The following TMEM106C variants were observed in gnomAD, a reference collection of about 807,000 sequenced individuals.
TMEM106C encodes endoplasmic reticulum membrane protein overexpressed in cancer.
Under a neutral mutation model 30.8 loss-of-function variants are expected in TMEM106C, and 27 were observed. The ratio of observed to expected loss-of-function variants is 0.88; its 90% confidence interval spans 0.65 to 1.21. The LOEUF is 1.21. Among genes scored for constraint, TMEM106C ranks in the 50% most tolerant of loss-of-function variants. TMEM106C has a pLI of 0.00. For synonymous variants in TMEM106C, 123 were observed against 118.8 expected (o/e 1.04, Z -0.23); for missense variants, 288 against 307.8 (o/e 0.94, Z 0.48).
At position 47,966,230 on chromosome 12, in the gene TMEM106C, G is replaced by A. The variant is rs760969092; in HGVS notation, c.552+1G>A. The stretch of plus-strand genomic sequence containing the variant: ...TATTCCACCTCGGAGTGAGCAACTG[G>A]TATGCTGTTCTTTTAGGAATCTTGC... On this transcript the variant is annotated splice_donor_variant, in intron 5 of 7. Coordinates refer to ENST00000429772, the MANE Select transcript of TMEM106C (RefSeq NM_001143842.2). LOFTEE classifies it high-confidence loss of function. 1 of 1,613,718 alleles carries A rather than the reference G, an allele frequency of 6.2e-7. No individual in the cohort carries two copies. The highest frequency in any genetic ancestry group is 1.3e-5 in the African/African-American group (1 of 74,944).
Position 47,966,210 on chromosome 12 carries a change from C to T in TMEM106C, c.533C>T (p.Pro178Leu), listed in dbSNP as rs778392934. The T allele has an allele frequency of 1.4e-5, 22 of 1,614,088 alleles. No homozygotes were observed. Among genetic ancestry groups the T allele is most frequent in the Non-Finnish European group, 3.4e-6 (4 of 1,180,026 alleles). Residue 178 changes from proline to leucine, a missense_variant, in exon 5 of 8, where the codon CCA (proline) becomes CTA (leucine). Coordinates refer to ENST00000429772, the MANE Select transcript of TMEM106C (RefSeq NM_001143842.2). ...TYVTTNVSLI[P>L]PRSEQLVNFT... is the part of the protein sequence containing the mutation. The stretch of plus-strand genomic sequence containing the variant: ...GTGACTACTAACGTCTCCCTTATTC[C>T]ACCTCGGAGTGAGCAACTGGTATGC...
At chr12:47,965,445 T>C in intron 3 of TMEM106C, 100 bp downstream of exon 3, 1 of 1,118,070 alleles carries the variant, frequency 8.9e-7, no homozygotes, top group Non-Finnish European at 1.3e-6. Context: ...ACACATGTTC[T>C]TATAAGTTCC....
At position 47,965,820 on chromosome 12, in the gene TMEM106C, G is replaced by A; in HGVS notation, c.252-18G>A. On this transcript the variant is annotated intron_variant, in intron 3 of 7. Transcript: ENST00000429772. ...ATATCTGACTGCCTGGGTCGGTCAT[G>A]TGCTGTGTCATTTGCAGTAAGCAAT... 1 of 1,614,014 alleles carries A rather than the reference G, an allele frequency of 6.2e-7. No individual in the cohort carries two copies. The highest frequency in any genetic ancestry group is 8.5e-7 in the Non-Finnish European group (1 of 1,179,908).
At position 47,968,221 on chromosome 12, in the gene TMEM106C, G is replaced by T. The variant is rs1471236866; in HGVS notation, c.745G>T (p.Ala249Ser). 33 of 1,611,346 alleles carry T rather than the reference G, an allele frequency of 2.0e-5. No individual in the cohort carries two copies. The highest frequency in any genetic ancestry group is 2.8e-5 in the Non-Finnish European group (33 of 1,177,734). Reference sequence around the variant, plus strand: ...TGTGGATTGTGGAGGAAATTCCACAGCTATTTAACAACTGCTATTGGTTCT... The same window carrying T: ...TGTGGATTGTGGAGGAAATTCCACATCTATTTAACAACTGCTATTGGTTCT... ...HYVDCGGNSTAI is the reference protein window; with the variant it reads ...HYVDCGGNSTSI Residue 249 changes from alanine (A) to serine (S), a missense_variant, in exon 8 of 8, where the codon GCT (alanine) becomes TCT (serine). By Grantham distance (99) the Ala-to-Ser change is moderately conservative. Transcript: ENST00000429772.
chr12:47,965,791 C>T (rs1299827027), intron 3 of TMEM106C, 47 bp from the exon 4 acceptor site: 1 of 1,606,994 alleles, frequency 6.2e-7, no homozygotes, highest in South Asian at 1.1e-5. Flanking sequence ...CACATTGAAC[C>T]TTGATATCTG....
rs370071767 is a variant in TMEM106C, at chr12:47,965,365, C to T, written c.251+20C>T. 33 of 1,604,540 alleles carry T rather than the reference C, an allele frequency of 2.1e-5. No individual in the cohort carries two copies. In the African/African-American group the frequency reaches 4.3e-4, roughly 21 times the overall value. Reference sequence around the variant, plus strand: ...GCGAACGTGAGTTACCTGCTTCTCACCTGTTAATACCTACTTCTGTCCCTA... The same window carrying T: ...GCGAACGTGAGTTACCTGCTTCTCATCTGTTAATACCTACTTCTGTCCCTA... On this transcript the variant is annotated intron_variant, in intron 3 of 7. Transcript: ENST00000429772.
chr12:47,967,918 C>G (rs1284833435), intron 7 of TMEM106C, among the ~76,000 whole-genome samples: 2 of 152,068 alleles, frequency 1.3e-5, no homozygotes, highest in Non-Finnish European at 2.9e-5. Context: ...AAATCATTCT[C>G]GATTGAGAAG....
intron 7 of TMEM106C, 122 bp downstream of exon 7, chr12:47,967,383 C>G: frequency 1.1e-6 from 1 of 912,530 alleles, no homozygotes; most frequent in Non-Finnish European, 1.8e-6. Flanking sequence ...CCCTGTGCCT[C>G]ACAGGCACAG....
chr12:47,964,660 A>G, intron 2 of TMEM106C: 1 of 540,800 alleles, frequency 1.8e-6, no homozygotes, highest in Non-Finnish European at 3.3e-6. Context: ...TGAGGTTTGG[A>G]ACATTCAGTT....
Position 47,966,158 on chromosome 12 carries a change from T to C in TMEM106C, c.481T>C (p.Tyr161His), listed in dbSNP as rs1774451128. The C allele has an allele frequency of 1.2e-6, 2 of 1,614,106 alleles. No homozygotes were observed. Among genetic ancestry groups the C allele is most frequent in the Admixed American group, 3.3e-5 (2 of 60,004 alleles). Residue 161 changes from tyrosine (Y) to histidine (H), a missense_variant, in exon 5 of 8, where the codon TAC (tyrosine) becomes CAC (histidine). Physicochemically the swap from Tyr to His is moderately conservative, Grantham distance 83. Transcript: ENST00000429772. ...GACCAGCCTGTCCAGCCAGATTCAG[T>C]ACATGAACACAGTGGTCAGTACATA... ...AVTSLSSQIQ[Y>H]MNTVVSTYVT...
In TMEM106C at chr12:47,967,385, C is replaced by G. The variant is rs1938274329; in HGVS notation, c.656+124C>G. On this transcript the variant is annotated intron_variant, in intron 7 of 7. Coordinates refer to ENST00000429772, the MANE Select transcript of TMEM106C (RefSeq NM_001143842.2). The stretch of plus-strand genomic sequence containing the variant: ...GCCCGAGGGGACACCCTGTGCCTCA[C>G]AGGCACAGATACAGTAGACCCTTGG... 37 of 902,624 alleles carry G rather than the reference C, an allele frequency of 4.1e-5. No homozygotes were observed. In the South Asian group the frequency reaches 4.4e-4, roughly 11 times the overall value. The allele number at this position is 902,624 out of a possible 1,614,324, so 55.9% of individuals were successfully genotyped here.
At chr12:47,964,538 G>A in intron 2 of TMEM106C, 115 bp downstream of exon 2, 1 of 940,540 alleles carries the variant, frequency 1.1e-6, no homozygotes, top group Non-Finnish European at 1.6e-6. Flanking sequence ...ACAGTGCCCT[G>A]GACAGGAGCC....
At position 47,968,012 on chromosome 12, in the gene TMEM106C, G is replaced by A. The variant is rs147438778; in HGVS notation, c.657-121G>A. 1.5e-5 allele frequency: 10 copies of A among 670,996 alleles called. No individual in the cohort carries two copies. In the East Asian group the frequency reaches 2.7e-4, roughly 18 times the overall value. 41.6% of individuals were successfully genotyped at this position (670,996 alleles called of 1,614,324 possible). A position where few individuals can be genotyped will look rare whatever the true frequency, so the allele number is the denominator to read the frequency against. Reference sequence around the variant, plus strand: ...GGCCTCCTGGTTACATAACCATGAGGATATGTGCCTGGGGCCCGTGGGTAT... The same window carrying A: ...GGCCTCCTGGTTACATAACCATGAGAATATGTGCCTGGGGCCCGTGGGTAT... On this transcript the variant is annotated intron_variant, in intron 7 of 7. Coordinates refer to ENST00000429772, the MANE Select transcript of TMEM106C (RefSeq NM_001143842.2).
chr12:47,968,186 C>T lies in TMEM106C; in HGVS notation c.710C>T (p.Thr237Ile). 6.2e-7 allele frequency: 1 copy of T among 1,614,092 alleles called. No homozygotes were observed. Among genetic ancestry groups the T allele is most frequent in the Non-Finnish European group, 8.5e-7 (1 of 1,179,972 alleles). Residue 237 changes from threonine (T) to isoleucine (I), a missense_variant, in exon 8 of 8, where the codon ACA (threonine) becomes ATA (isoleucine). Physicochemically the swap from Thr to Ile is moderately conservative, Grantham distance 89. Coordinates refer to ENST00000429772, the MANE Select transcript of TMEM106C (RefSeq NM_001143842.2). Reference sequence around the variant, plus strand: ...CTCATGACCCAGAGCTCCTTGGAGACACATCACTATGTGGATTGTGGAGGA... The same window carrying T: ...CTCATGACCCAGAGCTCCTTGGAGATACATCACTATGTGGATTGTGGAGGA... ...IGLMTQSSLE[T>I]HHYVDCGGNS...
rs766318552 is a variant in TMEM106C, at chr12:47,964,338, C to A, written c.102C>A (p.Ala34=). 2.0e-5 allele frequency: 33 copies of A among 1,614,042 alleles called. No individual in the cohort carries two copies. Among genetic ancestry groups the A allele is most frequent in the Non-Finnish European group, 8.5e-7 (1 of 1,180,036 alleles). The change falls in exon 2 of 8, where the codon GCC becomes GCA. Residue 34 remains alanine (A), a synonymous_variant. Transcript: ENST00000429772. Reference sequence around the variant, plus strand: ...TGGCTGAACGAGAGCAGGAAGAAGCCATTGCTCAGTTCCCATATGTGGAAT... The same window carrying A: ...TGGCTGAACGAGAGCAGGAAGAAGCAATTGCTCAGTTCCCATATGTGGAAT... The part of the protein sequence containing the change: ...GLLAEREQEE[A]IAQFPYVEFT...
intron 5 of TMEM106C, 42 bp downstream of exon 5, chr12:47,966,271 G>GA: frequency 6.2e-7 from 1 of 1,609,386 alleles, no homozygotes; most frequent in Non-Finnish European, 8.5e-7. Flanking sequence ...AGGCCTAAGA[G>GA]AAGAGTAGGG....
Position 47,966,141 on chromosome 12 carries a change from T to C in TMEM106C, c.464T>C (p.Leu155Pro). The change falls in exon 5 of 8, where the codon CTG (leucine) becomes CCG (proline). Residue 155 changes from leucine (L) to proline (P), a missense_variant. Physicochemically the swap from Leu to Pro is moderately conservative, Grantham distance 98 (BLOSUM62 -3). Coordinates refer to ENST00000429772, the MANE Select transcript of TMEM106C (RefSeq NM_001143842.2). The stretch of plus-strand genomic sequence containing the variant: ...TTCTACACGGTGGCAGTGACCAGCC[T>C]GTCCAGCCAGATTCAGTACATGAAC... ...SNFYTVAVTSLSSQIQYMNTV... is the reference protein window; with the variant it reads ...SNFYTVAVTSPSSQIQYMNTV... The C allele has an allele frequency of 1.2e-6, 2 of 1,614,248 alleles. No individual in the cohort carries two copies. Among genetic ancestry groups the C allele is most frequent in the East Asian group, 2.2e-5 (1 of 44,884 alleles).
At chr12:47,966,602 A>C in intron 5 of TMEM106C, 81 bp from the exon 6 acceptor site, 1 of 1,471,494 alleles carries the variant, frequency 6.8e-7, no homozygotes, top group Non-Finnish European at 9.5e-7. Context: ...GAATGACCCA[A>C]GGTCTTTGGA....
intron 3 of TMEM106C, 195 bp from the exon 4 acceptor site, chr12:47,965,642 TC>T: frequency 1.3e-6 from 1 of 750,260 alleles, no homozygotes; most frequent in East Asian, 2.5e-5. Flanking sequence ...CAGCTTTTCT[TC>T]CCAGAGTGCA....
Sources: gnomAD v4.1 joint callset for allele counts (sites outside exome capture counted in the v4.1 genomes callset) on GRCh38, gnomAD v4.1.1 for gene constraint, MANE v1.5 for transcripts, NCBI Gene and HGNC (gene_info 2026-07-23, HGNC 2026-07-21) for gene names.